LRMDA: variants seen among roughly 807,000 people sequenced by gnomAD.
The protein encoded by LRMDA is leucine-rich melanocyte differentiation-associated protein.
A neutral mutation model predicts 29.8 loss-of-function variants in LRMDA; 18 were observed. The observed-to-expected ratio is 0.60, with a 90% CI of 0.42 to 0.90. The LOEUF (loss-of-function observed/expected upper bound fraction) is 0.90, where lower values mean the gene tolerates loss of function less well. Ranked by LOEUF, LRMDA falls within the 40% of genes least tolerant of loss-of-function variation. The probability of loss-of-function intolerance (pLI) is 0.00; values close to 1 mark genes in which losing one functional copy is unlikely to be tolerated. For synonymous variants in LRMDA, 125 were observed against 109.4 expected (o/e 1.14, Z -0.89); for missense variants, 273 against 273.9 (o/e 1.00, Z 0.02).
At chr10:75,822,371 T>G (rs1844176859) in intron 2 of LRMDA, among the ~76,000 whole-genome samples, 1 of 152,074 alleles carries the variant, frequency 6.6e-6, no homozygotes, top group South Asian at 2.1e-4. Context: ...ATCAATATAA[T>G]TAAAATTACC....
At chr10:76,512,614 AT>A (rs1413591617) in intron 6 of LRMDA, among the ~76,000 whole-genome samples, 1 of 152,200 alleles carries the variant, frequency 6.6e-6, no homozygotes, top group African/African-American at 2.4e-5. Context: ...AGCTAAAATG[AT>A]AAAATTTTTA....
intron 6 of LRMDA, among the ~76,000 whole-genome samples, chr10:76,412,002 A>G (rs564617189): frequency 6.6e-6 from 1 of 152,368 alleles, no homozygotes; most frequent in South Asian, 2.1e-4. Context: ...TAGTGCATTT[A>G]CAAGGCGCCA....
rs796454231 is a variant in LRMDA at position 76,437,892 on chromosome 10, G to T, written c.601+113407G>T. ...GTGGCTTTACCTGTTTATTTTATTT[G>T]GTCCTCATAACAACCATAAGGTAGG... On this transcript the variant is annotated intron_variant, in intron 6 of 6. Coordinates refer to ENST00000611255, the MANE Select transcript of LRMDA (RefSeq NM_001305581.2). Among the ~76,000 whole-genome samples the T allele has an allele frequency of 4.6e-4, 70 of 152,232 alleles. 1 individual carries two copies. The highest frequency in any genetic ancestry group is 1.7e-3 in the African/African-American group (70 of 41,536).
chr10:75,671,768 C>A (rs988830640), intron 2 of LRMDA, among the ~76,000 whole-genome samples: 2 of 151,974 alleles, frequency 1.3e-5, no homozygotes, highest in Admixed American at 6.6e-5. Flanking sequence ...CATATGTATC[C>A]CAGAACTTAA....
intron 5 of LRMDA, among the ~76,000 whole-genome samples, chr10:76,095,033 C>A (rs1312711735): frequency 2.0e-5 from 3 of 151,920 alleles, no homozygotes; most frequent in Admixed American, 6.6e-5. Flanking sequence ...TGAAATTAAC[C>A]CAAGTGTAGA....
In LRMDA at chr10:75,887,492, TCTAA is replaced by T. The variant is rs575518188; in HGVS notation, c.132-148513_132-148510del. On this transcript the variant is annotated intron_variant, in intron 2 of 6. Coordinates refer to ENST00000611255, the MANE Select transcript of LRMDA (RefSeq NM_001305581.2). The stretch of plus-strand genomic sequence containing the variant: ...TCTGTCTTAGCAGGCTTCAGTGTGG[TCTAA>T]CTGAGGTGTTGGCAAACTTTGACTT... Among the ~76,000 whole-genome samples, 73 of 152,084 alleles carry T rather than the reference TCTAA, an allele frequency of 4.8e-4. 2 individuals are homozygous for T. Among genetic ancestry groups the T allele is most frequent in the Admixed American group, 3.1e-3 (48 of 15,268 alleles).
chr10:76,461,036 C>T (rs1842507128), intron 6 of LRMDA, among the ~76,000 whole-genome samples: 1 of 152,130 alleles, frequency 6.6e-6, no homozygotes, highest in South Asian at 2.1e-4. Flanking sequence ...CTTTCACAGA[C>T]TTCTGGAAAT....
At chr10:76,385,711 C>A (rs563319515) in intron 6 of LRMDA, among the ~76,000 whole-genome samples, 2 of 152,280 alleles carry the variant, frequency 1.3e-5, no homozygotes, top group African/African-American at 4.8e-5. Context: ...CCACCTTATC[C>A]TCATTTCCTG....
intron 6 of LRMDA, among the ~76,000 whole-genome samples, chr10:76,541,562 T>C (rs962050190): frequency 6.7e-6 from 1 of 149,002 alleles, no homozygotes; most frequent in Non-Finnish European, 1.5e-5. Context: ...TTCATATTTA[T>C]TCTTTAAGTC....
chr10:76,199,183 A>C (rs1851384388), intron 5 of LRMDA, among the ~76,000 whole-genome samples: 1 of 152,208 alleles, frequency 6.6e-6, no homozygotes, highest in African/African-American at 2.4e-5. Context: ...CTTCATATTC[A>C]TGAAGCCAGC....
intron 2 of LRMDA, among the ~76,000 whole-genome samples, chr10:75,671,794 A>T (rs748948112): frequency 7.9e-5 from 12 of 152,226 alleles, no homozygotes; most frequent in East Asian, 7.7e-4. Flanking sequence ...AATAATAATT[A>T]AAAAAACCCC....
intron 2 of LRMDA, among the ~76,000 whole-genome samples, chr10:75,685,827 A>G (rs1249900905): frequency 6.6e-6 from 1 of 152,236 alleles, no homozygotes; most frequent in African/African-American, 2.4e-5. Flanking sequence ...GTAAAAATAA[A>G]CAATAGTAAT....
At chr10:75,772,155 G>A (rs566475278) in intron 2 of LRMDA, among the ~76,000 whole-genome samples, 15 of 152,302 alleles carry the variant, frequency 9.8e-5, no homozygotes, top group African/African-American at 3.1e-4. Context: ...TTCTCCATAA[G>A]TGTTAATGAC....
chr10:75,933,548 A>C (rs185807170), intron 2 of LRMDA, among the ~76,000 whole-genome samples: 1 of 152,286 alleles, frequency 6.6e-6, no homozygotes, highest in East Asian at 1.9e-4. Context: ...TTCAGAGTGC[A>C]ATGTATGTCC....
chr10:75,446,801 C>T (rs144866078), intron 2 of LRMDA, among the ~76,000 whole-genome samples: 36 of 152,322 alleles, frequency 2.4e-4, no homozygotes, highest in Non-Finnish European at 1.2e-4. Context: ...TCCCTGCCAG[C>T]TAGGAGCATA....
chr10:75,525,941 T>A (rs1329245010), intron 2 of LRMDA, among the ~76,000 whole-genome samples: 1 of 151,870 alleles, frequency 6.6e-6, no homozygotes, highest in African/African-American at 2.4e-5. Flanking sequence ...ATTAAAAAAA[T>A]TCCAATTTGA....
intron 2 of LRMDA, among the ~76,000 whole-genome samples, chr10:75,914,226 G>A (rs1387858427): frequency 6.6e-6 from 1 of 152,214 alleles, no homozygotes; most frequent in Non-Finnish European, 1.5e-5. Context: ...ATTGTAGCTG[G>A]CAGTTGTTTT....
intron 6 of LRMDA, among the ~76,000 whole-genome samples, chr10:76,411,846 A>G (rs930872647): frequency 1.3e-5 from 2 of 152,230 alleles, no homozygotes; most frequent in Non-Finnish European, 2.9e-5. Flanking sequence ...GACATAACAA[A>G]TATAACCAGG....
At chr10:75,646,230 T>C (rs1841518928) in intron 2 of LRMDA, among the ~76,000 whole-genome samples, 1 of 152,230 alleles carries the variant, frequency 6.6e-6, no homozygotes, top group African/African-American at 2.4e-5. Flanking sequence ...CAGACGGTGA[T>C]GGATGACTAT....
Sources: allele counts gnomAD v4.1 joint callset (sites outside exome capture counted in the v4.1 genomes callset), GRCh38; gene constraint gnomAD v4.1.1; transcripts MANE v1.5; gene names NCBI Gene and HGNC (gene_info 2026-07-23, HGNC 2026-07-21).